The following SIPA1L3 variants were observed in gnomAD, a reference collection of about 807,000 sequenced individuals.
The protein encoded by SIPA1L3 is signal induced proliferation associated 1 like 3, also known as signal-induced proliferation-associated 1-like protein 3.
In SIPA1L3, 59 loss-of-function variants were observed where a neutral mutation model predicts 150.1. The observed-to-expected ratio is 0.39, with a 90% confidence interval of 0.32 to 0.49. The LOEUF is 0.49. SIPA1L3 is among the 20% of genes least tolerant of loss of function. SIPA1L3 has a pLI of 0.86. For missense variants in SIPA1L3, 2,211 were observed against 2,489.5 expected (o/e 0.89, Z 2.38); for synonymous variants, 1,070 against 1,077.6 (o/e 0.99, Z 0.14).
At chr19:37,975,219 A>G (rs996598121) in intron 1 of SIPA1L3, among the ~76,000 whole-genome samples, 1 of 152,150 alleles carries the variant, frequency 6.6e-6, no homozygotes, top group Non-Finnish European at 1.5e-5. Flanking sequence ...CATACCAAAC[A>G]GGAAACAGAG....
At position 38,100,096 on chromosome 19, in the gene SIPA1L3, G is replaced by T; in HGVS notation, c.1800G>T (p.Leu600=). The T allele has an allele frequency of 6.2e-7, 1 of 1,610,510 alleles. No individual in the cohort carries two copies. Among genetic ancestry groups the T allele is most frequent in the Non-Finnish European group, 8.5e-7 (1 of 1,178,670 alleles). ...IPELNIHCLR[L]ALNTPKVTEQ... ...AGCTCAACATCCACTGCCTGCGGCT[G>T]GCCCTCAACACCCCCAAGGTGACGG... The change falls in exon 5 of 22, where the codon CTG becomes CTT. Residue 600 remains leucine (L), a synonymous_variant. Coordinates refer to ENST00000222345, the MANE Select transcript of SIPA1L3 (RefSeq NM_015073.3).
At chr19:37,974,630 A>G (rs1195386056) in intron 1 of SIPA1L3, among the ~76,000 whole-genome samples, 1 of 152,132 alleles carries the variant, frequency 6.6e-6, no homozygotes, top group African/African-American at 2.4e-5. Context: ...AAGGCTTGAC[A>G]GCCTGGACAG....
At chr19:37,997,891 A>AAG (rs1207409219) in intron 1 of SIPA1L3, among the ~76,000 whole-genome samples, 4 of 151,396 alleles carry the variant, frequency 2.6e-5, no homozygotes, top group Admixed American at 6.6e-5. Flanking sequence ...AGAAAAGAAA[A>AAG]AGAGAGAGAG....
chr19:37,971,999 G>T (rs1568484455), intron 1 of SIPA1L3, among the ~76,000 whole-genome samples: 1 of 152,078 alleles, frequency 6.6e-6, no homozygotes. Flanking sequence ...TGGACCTTTG[G>T]GTTGTTTCCA....
chr19:38,114,950 A>G (rs1185834733), intron 8 of SIPA1L3, among the ~76,000 whole-genome samples: 3 of 152,294 alleles, frequency 2.0e-5, no homozygotes, highest in East Asian at 1.9e-4. Context: ...CAGATTGCCA[A>G]TCTGTTGTCC....
chr19:37,967,065 G>T (rs971966212), intron 1 of SIPA1L3, among the ~76,000 whole-genome samples: 13 of 152,084 alleles, frequency 8.5e-5, no homozygotes, highest in Non-Finnish European at 4.4e-5. Context: ...TGAGATCAAG[G>T]TCTGGGCTCG....
intron 2 of SIPA1L3, among the ~76,000 whole-genome samples, chr19:38,073,170 C>T (rs907766569): frequency 6.6e-6 from 1 of 152,210 alleles, no homozygotes; most frequent in African/African-American, 2.4e-5. Flanking sequence ...AGACCGGTGC[C>T]CTCACCATTC....
intron 1 of SIPA1L3, among the ~76,000 whole-genome samples, chr19:38,023,858 C>G (rs1195517904): frequency 6.6e-6 from 1 of 152,200 alleles, no homozygotes; most frequent in African/African-American, 2.4e-5. Context: ...TGCTCCAAGA[C>G]AGAAACAGAA....
intron 16 of SIPA1L3, among the ~76,000 whole-genome samples, chr19:38,190,283 C>G (rs1479118661): frequency 6.6e-6 from 1 of 152,212 alleles, no homozygotes; most frequent in African/African-American, 2.4e-5. Context: ...TCACACTCCC[C>G]TGTGCAGGGC....
intron 1 of SIPA1L3, among the ~76,000 whole-genome samples, chr19:37,985,533 A>G (rs1643459): frequency 0.82 from 124,373 of 152,152 alleles, 51,368 homozygotes; most frequent in East Asian, 0.98. Flanking sequence ...ACCAGGATAA[A>G]GTGAAGTGAG....
chr19:38,164,508 C>T lies in SIPA1L3; in HGVS notation c.3810C>T (p.Ser1270=), dbSNP rs528058753. 1 of 1,612,614 alleles carries T rather than the reference C, an allele frequency of 6.2e-7. No individual in the cohort carries two copies. The highest frequency in any genetic ancestry group is 1.1e-5 in the South Asian group (1 of 91,006). Residue 1270 remains serine (S), a synonymous_variant, in exon 15 of 22, where the codon AGC becomes AGT. Transcript: ENST00000222345. The surrounding 1 kb of genome is among the most constrained non-coding windows in gnomAD (Gnocchi z 4.1). ...AACCTCAATACTCAAGTCATTCCAG[C>T]AGCAACACCCTCTCCAGCAACGCAT... The part of the protein sequence containing the change: ...KGEPQYSSHS[S]SNTLSSNASS...
intron 1 of SIPA1L3, among the ~76,000 whole-genome samples, chr19:37,911,955 C>G (rs1001868582): frequency 3.9e-5 from 6 of 151,940 alleles, no homozygotes; most frequent in African/African-American, 1.4e-4. Flanking sequence ...GCCTGTAGTC[C>G]CAGCTGCTCA....
In SIPA1L3 at chr19:38,024,844, C is replaced by T. The variant is rs866733820; in HGVS notation, c.-378-4245C>T. 1.4e-4 allele frequency among the ~76,000 whole-genome samples: 22 copies of T among 152,160 alleles called. 1 individual carries two copies. Among genetic ancestry groups the T allele is most frequent in the Middle Eastern group, 3.4e-3 (1 of 294 alleles). On this transcript the variant is annotated intron_variant, in intron 1 of 21. Transcript: ENST00000222345. ...TCCTGTGCTGTTAGTTTGTTGTAAG[C>T]GACAGAACCTCCCCAACTCAAATTG...
At chr19:38,011,009 A>C (rs143938624) in intron 1 of SIPA1L3, among the ~76,000 whole-genome samples, 1 of 152,356 alleles carries the variant, frequency 6.6e-6, no homozygotes, top group African/African-American at 2.4e-5. Context: ...TTCACTGAGA[A>C]GACATGGATG....
chr19:37,948,246 T>C (rs962038795), intron 1 of SIPA1L3, among the ~76,000 whole-genome samples: 7 of 152,118 alleles, frequency 4.6e-5, no homozygotes, highest in Non-Finnish European at 8.8e-5. Flanking sequence ...TAAATTGGTT[T>C]ATGTAAAGTG....
chr19:38,195,794 C>CCT (rs1568605257), intron 18 of SIPA1L3, among the ~76,000 whole-genome samples: 8 of 84,876 alleles, frequency 9.4e-5, no homozygotes, highest in African/African-American at 2.8e-4. Flanking sequence ...CAGGCCCCGT[C>CCT]CCCCCCCGCC....
At chr19:38,031,917 T>G (rs1303462924) in intron 2 of SIPA1L3, among the ~76,000 whole-genome samples, 3 of 152,198 alleles carry the variant, frequency 2.0e-5, no homozygotes, top group Admixed American at 1.3e-4. Flanking sequence ...GCCACTGCAC[T>G]CCAGTGTGGG....
At chr19:37,930,289 G>A (rs1305490948) in intron 1 of SIPA1L3, among the ~76,000 whole-genome samples, 1 of 151,990 alleles carries the variant, frequency 6.6e-6, no homozygotes, top group Non-Finnish European at 1.5e-5. Context: ...TGGGATTACA[G>A]GCGTGAGCCA....
In SIPA1L3 at chr19:38,142,608, C is replaced by T; in HGVS notation, c.3431C>T (p.Ser1144Leu). The T allele has an allele frequency of 1.2e-6, 2 of 1,614,058 alleles. No homozygotes were observed. Among genetic ancestry groups the T allele is most frequent in the East Asian group, 2.2e-5 (1 of 44,888 alleles). ...VSFPETPYTV[S>L]PAGADRVPPY... The stretch of plus-strand genomic sequence containing the variant: ...TTCCCAGAAACCCCTTACACAGTAT[C>T]ACCAGCAGGGGCCGACAGAGTCCCT... The change falls in exon 12 of 22, where the codon TCA becomes TTA. Residue 1144 changes from serine to leucine, a missense_variant. Physicochemically the swap from Ser to Leu is moderately radical, Grantham distance 145 (BLOSUM62 -2). This residue lies in a region of SIPA1L3 where 806 missense variants were observed against 870.1 expected (regional missense o/e 0.93). Coordinates refer to ENST00000222345, the MANE Select transcript of SIPA1L3 (RefSeq NM_015073.3).
Sources: gnomAD v4.1 joint callset for allele counts (sites outside exome capture counted in the v4.1 genomes callset) on GRCh38, gnomAD v4.1.1 for gene constraint, gnomAD v4.1.1 regional missense constraint, Gnocchi (gnomAD v3.1) non-coding constraint, MANE v1.5 for transcripts, NCBI Gene and HGNC (gene_info 2026-07-23, HGNC 2026-07-21) for gene names.